COL25A1: variants seen among roughly 807,000 people sequenced by gnomAD.
The protein encoded by COL25A1 is collagen alpha-1(XXV) chain.
COL25A1 carries 103 observed loss-of-function variants against 128.4 expected under a neutral mutation model. The observed-to-expected ratio is 0.80, with a 90% CI of 0.68 to 0.94. The LOEUF is 0.94. COL25A1 is among the 40% of genes least tolerant of loss of function. The pLI is 0.00. For synonymous variants in COL25A1, 279 were observed against 277.2 expected, an observed-to-expected ratio of 1.01 and a Z score of -0.06; for missense variants, 745 against 840.0, an observed-to-expected ratio of 0.89 and a Z score of 1.40.
At chr4:108,933,397 G>A (rs1746984687) in intron 11 of COL25A1, among the ~76,000 whole-genome samples, 1 of 152,126 alleles carries the variant, frequency 6.6e-6, no homozygotes, top group Non-Finnish European at 1.5e-5. Context: ...CTTAATAAGT[G>A]GGCGAGAAGG....
intron 3 of COL25A1, among the ~76,000 whole-genome samples, chr4:109,082,796 A>T (rs1209450162): frequency 1.3e-5 from 2 of 152,044 alleles, no homozygotes; most frequent in Non-Finnish European, 2.9e-5. Context: ...GTTCGTGGTT[A>T]CATTTGCAGG....
intron 9 of COL25A1, 75 bp downstream of exon 9, chr4:108,941,291 A>C: frequency 8.2e-7 from 1 of 1,215,748 alleles, no homozygotes; most frequent in East Asian, 2.4e-5. Flanking sequence ...TAAGAGATAA[A>C]TCGTAAAGCA....
chr4:109,058,554 A>T (rs1761659215), intron 3 of COL25A1, among the ~76,000 whole-genome samples: 1 of 152,256 alleles, frequency 6.6e-6, no homozygotes, highest in Non-Finnish European at 1.5e-5. Context: ...AATAAGATCA[A>T]AAGTTGAATA....
At chr4:109,287,984 G>T (rs1431585389) in intron 3 of COL25A1, among the ~76,000 whole-genome samples, 1 of 152,018 alleles carries the variant, frequency 6.6e-6, no homozygotes, top group Non-Finnish European at 1.5e-5. Context: ...ACACATGCAT[G>T]AGTAAGATGG....
intron 3 of COL25A1, among the ~76,000 whole-genome samples, chr4:109,099,191 C>T (rs1765667122): frequency 6.6e-6 from 1 of 152,114 alleles, no homozygotes; most frequent in Non-Finnish European, 1.5e-5. Flanking sequence ...TAAACCTGAA[C>T]CTTTTGTAGA....
rs1180327793 is a variant in COL25A1, at chr4:108,819,329, C to T, written c.1846G>A (p.Gly616Arg). The T allele has an allele frequency of 1.2e-6, 2 of 1,611,708 alleles. No individual in the cohort carries two copies. Among genetic ancestry groups the T allele is most frequent in the Admixed American group, 1.7e-5 (1 of 59,494 alleles). Residue 616 changes from glycine (G) to arginine (R), a missense_variant and splice_region_variant, in exon 36 of 38, where the codon GGA (glycine) becomes AGA (arginine). Physicochemically the swap from Gly to Arg is moderately radical, Grantham distance 125 (BLOSUM62 -2). Transcript: ENST00000399132. ...TTTTCCCCCTTAACGCCACGGAATC[C>T]CTGTTTGTAAAGATTAACTCATAAT... is the stretch of plus-strand genomic sequence containing the variant. Reference protein sequence around the residue: ...KGDLGEKGEKGFRGVKGEKGE... With the variant: ...KGDLGEKGEKRFRGVKGEKGE...
At chr4:108,923,962 T>A (rs1207909092) in intron 11 of COL25A1, among the ~76,000 whole-genome samples, 1 of 152,200 alleles carries the variant, frequency 6.6e-6, no homozygotes, top group Non-Finnish European at 1.5e-5. Flanking sequence ...AATAATCTAG[T>A]TTTATTTTTT....
At chr4:109,101,270 G>A (rs1472731440) in intron 3 of COL25A1, among the ~76,000 whole-genome samples, 1 of 152,190 alleles carries the variant, frequency 6.6e-6, no homozygotes, top group African/African-American at 2.4e-5. Context: ...AATGAGAGAG[G>A]TAGAAGCTGG....
intron 6 of COL25A1, among the ~76,000 whole-genome samples, chr4:109,007,310 T>G (rs1756116071): frequency 6.6e-6 from 1 of 152,166 alleles, no homozygotes; most frequent in African/African-American, 2.4e-5. Context: ...AAGCACCAAA[T>G]GCAAAACTTC....
intron 6 of COL25A1, among the ~76,000 whole-genome samples, chr4:108,986,092 C>T (rs1753645472): frequency 2.0e-5 from 3 of 152,158 alleles, no homozygotes; most frequent in South Asian, 2.1e-4. Context: ...TCCACAAAAT[C>T]CCTTGAATCT....
intron 3 of COL25A1, among the ~76,000 whole-genome samples, chr4:109,174,903 C>T (rs542363865): frequency 2.0e-5 from 3 of 152,282 alleles, no homozygotes; most frequent in South Asian, 4.1e-4. Context: ...TGAGCATTAC[C>T]GCCTGAGCTC....
intron 3 of COL25A1, among the ~76,000 whole-genome samples, chr4:109,227,531 T>C (rs1213143980): frequency 2.0e-5 from 3 of 152,204 alleles, no homozygotes; most frequent in African/African-American, 7.2e-5. Context: ...CTATAAACTG[T>C]CCATTTGAAA....
At position 109,045,177 on chromosome 4, in the gene COL25A1, T is replaced by C. The variant is rs1043188169; in HGVS notation, c.420+2991A>G. ...TTGTAAGAATGCAGTATGTAATACA[T>C]ACAACATATAAAATGTATATTAATT... is the stretch of plus-strand genomic sequence containing the variant. On this transcript the variant is annotated intron_variant, in intron 5 of 37. Coordinates refer to ENST00000399132, the MANE Select transcript of COL25A1 (RefSeq NM_198721.4). Among the ~76,000 whole-genome samples, 36 of 152,198 alleles carry C rather than the reference T, an allele frequency of 2.4e-4. 1 individual carries two copies.
intron 3 of COL25A1, among the ~76,000 whole-genome samples, chr4:109,172,519 G>A (rs1773688531): frequency 2.0e-5 from 3 of 151,942 alleles, no homozygotes; most frequent in Non-Finnish European, 2.9e-5. Flanking sequence ...GTGGGTCTAA[G>A]TGTCCTGCCT....
At chr4:108,816,356 G>C (rs1402209017) in intron 37 of COL25A1, among the ~76,000 whole-genome samples, 1 of 152,118 alleles carries the variant, frequency 6.6e-6, no homozygotes, top group Non-Finnish European at 1.5e-5. Flanking sequence ...ACATAGTTTT[G>C]CTATAATTTT....
intron 28 of COL25A1, among the ~76,000 whole-genome samples, chr4:108,845,472 T>C (rs545649001): frequency 6.6e-6 from 1 of 152,306 alleles, no homozygotes; most frequent in African/African-American, 2.4e-5. Flanking sequence ...ATAAAGTAAA[T>C]GAAAACTAGT....
intron 3 of COL25A1, among the ~76,000 whole-genome samples, chr4:109,230,335 T>C (rs963676668): frequency 2.6e-5 from 4 of 152,240 alleles, no homozygotes; most frequent in African/African-American, 4.8e-5. Context: ...TTAGATTTGA[T>C]ACATACAGAG....
intron 3 of COL25A1, among the ~76,000 whole-genome samples, chr4:109,239,547 T>A (rs1779739890): frequency 1.3e-5 from 2 of 151,288 alleles, no homozygotes; most frequent in Non-Finnish European, 3.0e-5. Context: ...AAATATAGTA[T>A]AAAATATTTT....
At chr4:109,271,327 C>G (rs979241468) in intron 3 of COL25A1, among the ~76,000 whole-genome samples, 3 of 152,338 alleles carry the variant, frequency 2.0e-5, no homozygotes, top group Admixed American at 2.0e-4. Context: ...TTATAGTGTA[C>G]TAAATTCTAC....
Sources: gnomAD v4.1 joint callset for allele counts (sites outside exome capture counted in the v4.1 genomes callset) on GRCh38, gnomAD v4.1.1 for gene constraint, MANE v1.5 for transcripts, NCBI Gene and HGNC (gene_info 2026-07-23, HGNC 2026-07-21) for gene names.